The following RTN4RL1 variants were observed in gnomAD, a reference collection of about 807,000 sequenced individuals.
The protein encoded by RTN4RL1 is reticulon 4 receptor like 1, also known as reticulon-4 receptor-like 1.
A neutral mutation model predicts 25.6 loss-of-function variants in RTN4RL1; 7 were observed. That is an observed-to-expected ratio of 0.27 (90% CI 0.16 to 0.51). RTN4RL1 has a LOEUF of 0.51. Among genes scored for constraint, RTN4RL1 ranks in the 20% least tolerant of loss-of-function variants. The pLI is 0.97. For synonymous variants in RTN4RL1, 297 were observed against 288.2 expected (o/e 1.03, Z -0.31); for missense variants, 500 against 615.6 (o/e 0.81, Z 1.99).
intron 1 of RTN4RL1, among the ~76,000 whole-genome samples, chr17:2,006,463 G>A (rs2066996549): frequency 6.6e-6 from 1 of 151,672 alleles, no homozygotes; most frequent in Non-Finnish European, 1.5e-5. Flanking sequence ...AACCAGTTGG[G>A]TTTTTTTGAG....
chr17:1,939,822 A>G (rs572548794), intron 1 of RTN4RL1, among the ~76,000 whole-genome samples: 2 of 152,130 alleles, frequency 1.3e-5, no homozygotes, highest in South Asian at 4.1e-4. Context: ...GGCCGGCTCC[A>G]GGCCTCCAGG....
At chr17:1,939,364 A>AAAT (rs1238856921) in intron 1 of RTN4RL1, among the ~76,000 whole-genome samples, 2 of 150,772 alleles carry the variant, frequency 1.3e-5, no homozygotes, top group African/African-American at 2.4e-5. Flanking sequence ...ATAAATAAAT[A>AAAT]AATAAATAAA....
At chr17:1,960,345 C>T (rs1915870654) in intron 1 of RTN4RL1, among the ~76,000 whole-genome samples, 1 of 152,158 alleles carries the variant, frequency 6.6e-6, no homozygotes, top group Admixed American at 6.6e-5. Flanking sequence ...TATCATGTTA[C>T]TTTCCTGCTC....
chr17:2,017,010 C>G (rs2067132735), intron 1 of RTN4RL1, among the ~76,000 whole-genome samples: 1 of 152,240 alleles, frequency 6.6e-6, no homozygotes, highest in African/African-American at 2.4e-5. Context: ...TTGTGCGCTT[C>G]TCACTCATGG....
intron 1 of RTN4RL1, among the ~76,000 whole-genome samples, chr17:2,022,449 G>T (rs2067221125): frequency 6.6e-6 from 1 of 152,132 alleles, no homozygotes; most frequent in African/African-American, 2.4e-5. Context: ...ACCACACCTG[G>T]CCTCCTGTAT....
At chr17:2,018,690 G>A (rs940889777) in intron 1 of RTN4RL1, among the ~76,000 whole-genome samples, 1 of 152,150 alleles carries the variant, frequency 6.6e-6, no homozygotes, top group African/African-American at 2.4e-5. Flanking sequence ...GCAGTGCGCC[G>A]GCTGGGTGGC....
rs28664129 is a variant in RTN4RL1, at chr17:1,935,711, G to A, written c.*785C>T. On this transcript the variant is annotated 3_prime_UTR_variant, in exon 2 of 2. Transcript: ENST00000331238. ...AGTGGGAGGGGGACTGTGCATTTGT[G>A]TATATATATATATATATATATATAT... 152 of 159,870 alleles carry A rather than the reference G, an allele frequency of 9.5e-4. No individual in the cohort carries two copies. The highest frequency in any genetic ancestry group is 5.9e-3 in the African/African-American group (123 of 20,996). 9.9% of individuals were successfully genotyped at this position (159,870 alleles called of 1,614,324 possible).
chr17:1,967,631 T>C (rs2066797977), intron 1 of RTN4RL1, among the ~76,000 whole-genome samples: 1 of 151,314 alleles, frequency 6.6e-6, no homozygotes, highest in South Asian at 2.1e-4. Context: ...GCCCAACACT[T>C]TCCAGTCTCT....
intron 1 of RTN4RL1, among the ~76,000 whole-genome samples, chr17:1,980,893 C>T (rs1279663566): frequency 1.5e-5 from 2 of 132,794 alleles, no homozygotes; most frequent in Non-Finnish European, 3.1e-5. Flanking sequence ...CACCACTGCA[C>T]TTCAGTCTGG....
chr17:1,997,510 T>G (rs1216545081), intron 1 of RTN4RL1, among the ~76,000 whole-genome samples: 1 of 152,240 alleles, frequency 6.6e-6, no homozygotes, highest in Non-Finnish European at 1.5e-5. Flanking sequence ...TCTGAACTTG[T>G]CTGTCTGGTA....
intron 1 of RTN4RL1, among the ~76,000 whole-genome samples, chr17:1,983,918 C>A (rs986353540): frequency 2.0e-5 from 3 of 152,162 alleles, no homozygotes; most frequent in Non-Finnish European, 4.4e-5. Context: ...CAATCCGGAT[C>A]GGAACCCTGC....
At chr17:1,961,686 G>C (rs1240634692) in intron 1 of RTN4RL1, among the ~76,000 whole-genome samples, 1 of 150,700 alleles carries the variant, frequency 6.6e-6, no homozygotes, top group Admixed American at 6.7e-5. Flanking sequence ...CCAGCACTTT[G>C]GGAGGCCGAT....
At chr17:1,974,515 G>T (rs2066834501) in intron 1 of RTN4RL1, among the ~76,000 whole-genome samples, 1 of 152,192 alleles carries the variant, frequency 6.6e-6, no homozygotes, top group Non-Finnish European at 1.5e-5. Flanking sequence ...GTTTAATAAA[G>T]GGATGATTGA....
chr17:1,959,710 A>G lies in RTN4RL1; in HGVS notation c.14-21902T>C, dbSNP rs182556217. Among the ~76,000 whole-genome samples, 866 of 151,998 alleles carry G rather than the reference A, an allele frequency of 5.7e-3. 10 individuals are homozygous for G. Among genetic ancestry groups the G allele is most frequent in the African/African-American group, 0.02 (817 of 41,482 alleles). On this transcript the variant is annotated intron_variant, in intron 1 of 1. Transcript: ENST00000331238. The stretch of plus-strand genomic sequence containing the variant: ...CTCCTGAGTAGCTGGGATTACAGGC[A>G]CCCGCCACCACGCCCAGCTAATTTT...
At chr17:1,981,559 T>A (rs1447140079) in intron 1 of RTN4RL1, among the ~76,000 whole-genome samples, 5 of 152,214 alleles carry the variant, frequency 3.3e-5, no homozygotes, top group African/African-American at 9.6e-5. Flanking sequence ...CCCTCCCTCA[T>A]GCCCTGTGGC....
chr17:1,951,514 C>T (rs1049184942), intron 1 of RTN4RL1, among the ~76,000 whole-genome samples: 1 of 151,578 alleles, frequency 6.6e-6, no homozygotes, highest in South Asian at 2.1e-4. Flanking sequence ...TGCAGTGGTG[C>T]GATCTCGGCT....
At chr17:2,006,825 G>A (rs983767555) in intron 1 of RTN4RL1, among the ~76,000 whole-genome samples, 3 of 151,430 alleles carry the variant, frequency 2.0e-5, no homozygotes, top group Non-Finnish European at 4.4e-5. Flanking sequence ...ACGGGGTTTC[G>A]CCATGTTGGC....
At chr17:1,964,152 G>T (rs770614340) in intron 1 of RTN4RL1, among the ~76,000 whole-genome samples, 2 of 152,194 alleles carry the variant, frequency 1.3e-5, no homozygotes, top group African/African-American at 4.8e-5. Context: ...TAGCTGCTAC[G>T]CACACGTGGC....
At chr17:1,942,097 G>A (rs994148012) in intron 1 of RTN4RL1, among the ~76,000 whole-genome samples, 1 of 152,124 alleles carries the variant, frequency 6.6e-6, no homozygotes, top group Admixed American at 6.5e-5. Context: ...GCCAGGGGTG[G>A]CTCTGCCAGA....
Sources: allele counts gnomAD v4.1 joint callset (sites outside exome capture counted in the v4.1 genomes callset), GRCh38; gene constraint gnomAD v4.1.1; transcripts MANE v1.5; gene names NCBI Gene and HGNC (gene_info 2026-07-23, HGNC 2026-07-21).